The following CLN6 variants were observed in gnomAD, a reference collection of about 807,000 sequenced individuals.
CLN6 encodes the protein ceroid-lipofuscinosis neuronal protein 6.
In CLN6, 22 loss-of-function variants were observed where a neutral mutation model predicts 33.3. The observed-to-expected ratio is 0.66, with a 90% CI of 0.47 to 0.94. The LOEUF (loss-of-function observed/expected upper bound fraction) is 0.94. CLN6 is among the 40% of genes least tolerant of loss of function. The pLI, the probability that CLN6 is intolerant of heterozygous loss-of-function variation, is 0.00. For synonymous variants in CLN6, 201 were observed against 174.6 expected (o/e 1.15, Z -1.19); for missense variants, 387 against 417.1 (o/e 0.93, Z 0.63).
In CLN6 at chr15:68,214,346, C is replaced by T; in HGVS notation, c.241G>A (p.Val81Ile). The T allele has an allele frequency of 1.9e-6, 3 of 1,614,150 alleles. No homozygotes were observed. The highest frequency in any genetic ancestry group is 2.5e-6 in the Non-Finnish European group (3 of 1,179,956). ...TAGGCCATGTGGAAGTAGTCCCCAA[C>T]ACTGGGCTTGTTGAGTGGAAACCAC... ...LEWFPLNKPSVGDYFHMAYNV... is the reference protein window; with the variant it reads ...LEWFPLNKPSIGDYFHMAYNV... The change falls in exon 3 of 7, where the codon GTT (valine) becomes ATT (isoleucine). Residue 81 changes from valine to isoleucine, a missense_variant. By Grantham distance (29) the Val-to-Ile change is conservative. Transcript: ENST00000249806.
intron 1 of CLN6, among the ~76,000 whole-genome samples, chr15:68,237,163 CAAAAAAAAAAAA>C (rs71145147): frequency 1.4e-5 from 1 of 73,946 alleles, no homozygotes; most frequent in Non-Finnish European, 2.4e-5. Flanking sequence ...GACTCCGTCT[CAAAAAAAAAAAA>C]AAAAAAAAAA....
In CLN6 at chr15:68,211,700, A is replaced by T; in HGVS notation, c.461T>A (p.Ile154Asn). The T allele has an allele frequency of 3.1e-6, 5 of 1,613,752 alleles. No individual in the cohort carries two copies. The highest frequency in any genetic ancestry group is 3.4e-6 in the Non-Finnish European group (4 of 1,179,988). ...CAGCGTCTCCGGCTTGAGATTCTTG[A>T]TGATGGGGTTCTCACGGACAGACAG... ...HHLSVRENPI[I>N]KNLKPETLID... is the part of the protein sequence containing the mutation. The change falls in exon 4 of 7, where the codon ATC (isoleucine) becomes AAC (asparagine). Residue 154 changes from isoleucine (I) to asparagine (N), a missense_variant. Coordinates refer to ENST00000249806, the MANE Select transcript of CLN6 (RefSeq NM_017882.3). This position sits in a 1 kb window ranked among gnomAD's most constrained non-coding sequence, Gnocchi z 5.9.
At position 68,208,553 on chromosome 15, in the gene CLN6, T is replaced by A. The variant is rs1249238284; in HGVS notation, c.666-143A>T. On this transcript the variant is annotated intron_variant, in intron 6 of 6. Coordinates refer to ENST00000249806, the MANE Select transcript of CLN6 (RefSeq NM_017882.3). The surrounding 1 kb of genome is among the most constrained non-coding windows in gnomAD (Gnocchi z 5.8). Reference sequence around the variant, plus strand: ...CAGGGCTCAGAGAACTATGCCGCTCTAAGCCACAGCCCATGGGCAGCATAT... The same window carrying A: ...CAGGGCTCAGAGAACTATGCCGCTCAAAGCCACAGCCCATGGGCAGCATAT... 11 of 813,850 alleles carry A rather than the reference T, an allele frequency of 1.4e-5. No homozygotes were observed. The highest frequency in any genetic ancestry group is 2.0e-5 in the Non-Finnish European group (10 of 498,788). The allele number at this position is 813,850 out of a possible 1,614,324, so 50.4% of individuals were successfully genotyped here. A position where few individuals can be genotyped will look rare whatever the true frequency, so the allele number is the denominator to read the frequency against.
Position 68,228,550 on chromosome 15 carries a change from C to A in CLN6, c.83+952G>T, listed in dbSNP as rs1833612210. Among the ~76,000 whole-genome samples, 1 of 152,198 alleles carries A rather than the reference C, an allele frequency of 6.6e-6. No homozygotes were observed. Among genetic ancestry groups the A allele is most frequent in the Non-Finnish European group, 1.5e-5 (1 of 68,022 alleles). On this transcript the variant is annotated intron_variant, in intron 1 of 6. Transcript: ENST00000249806. This position sits in a 1 kb window ranked among gnomAD's most constrained non-coding sequence, Gnocchi z 4.4. ...CCCTTCACAATCAGTCTGCATCCTC[C>A]TGTCACTTTCTTTTACAGCCGGAAA...
chr15:68,211,844 CG>C lies in CLN6; in HGVS notation c.316del (p.Arg106AlafsTer10). 1.9e-6 allele frequency: 3 copies of C among 1,613,586 alleles called. No individual in the cohort carries two copies. The highest frequency in any genetic ancestry group is 2.5e-6 in the Non-Finnish European group (3 of 1,179,956). ...LLLKLIERSP[R>X]TLPRSITYVS... ...GTACGTGATGGAGCGTGGCAGGGTGCGGGGGGACCGCTCGATGAGCTGGGGT... is the reference window on the plus strand; with the variant it reads ...GTACGTGATGGAGCGTGGCAGGGTGCGGGGGACCGCTCGATGAGCTGGGGT... On this transcript the variant is annotated frameshift_variant, in exon 4 of 7. Coordinates refer to ENST00000249806, the MANE Select transcript of CLN6 (RefSeq NM_017882.3). LOFTEE classifies it high-confidence loss of function. The surrounding 1 kb of genome is among the most constrained non-coding windows in gnomAD (Gnocchi z 5.9).
At chr15:68,212,424 T>G (rs1048585137) in intron 3 of CLN6, 1 of 156,624 alleles carries the variant, frequency 6.4e-6, no homozygotes, top group Non-Finnish European at 1.4e-5. Context: ...ATGGTGATAG[T>G]AAATGGTGAT....
chr15:68,212,028 C>T (rs945586608), intron 3 of CLN6, 165 bp from the exon 4 acceptor site: 3 of 670,300 alleles, frequency 4.5e-6, no homozygotes, highest in Non-Finnish European at 7.7e-6. Flanking sequence ...TCCAGATCCT[C>T]CCGTGACCCC....
At chr15:68,223,072 C>G (rs372448017) in intron 1 of CLN6, among the ~76,000 whole-genome samples, 4 of 152,018 alleles carry the variant, frequency 2.6e-5, no homozygotes, top group East Asian at 3.9e-4. Context: ...CACTATTATC[C>G]TATGACCCTG....
chr15:68,241,285 T>C lies in CLN6; in HGVS notation c.179+15405A>G, dbSNP rs1892278509. Among the ~76,000 whole-genome samples, 1 of 151,848 alleles carries C rather than the reference T, an allele frequency of 6.6e-6. No individual in the cohort carries two copies. The highest frequency in any genetic ancestry group is 6.6e-5 in the Admixed American group (1 of 15,104). On this transcript the variant is annotated intron_variant, in intron 1 of 6. Coordinates refer to the CLN6 transcript ENST00000538696. This position sits in a 1 kb window ranked among gnomAD's most constrained non-coding sequence, Gnocchi z 4.2. ...AAACAAATACACAGTGCTGAGATGA[T>C]CAGCACTATGCCAGCAATATTCCAG...
At chr15:68,252,752 T>C (rs1308390128) in intron 1 of CLN6, among the ~76,000 whole-genome samples, 1 of 152,174 alleles carries the variant, frequency 6.6e-6, no homozygotes, top group Non-Finnish European at 1.5e-5. Context: ...CCTGGTCAAA[T>C]ATAATGTATG....
chr15:68,210,497 G>A lies in CLN6; in HGVS notation c.543-738C>T, dbSNP rs545477021. On this transcript the variant is annotated intron_variant, in intron 5 of 6. Coordinates refer to ENST00000249806, the MANE Select transcript of CLN6 (RefSeq NM_017882.3). The surrounding 1 kb of genome is among the most constrained non-coding windows in gnomAD (Gnocchi z 5.6). ...ACATCGCAGGGCCCGAAACACCCTG[G>A]AAATGCCCGTGCAGGGTGCGTGTGC... 7.9e-5 allele frequency among the ~76,000 whole-genome samples: 12 copies of A among 152,312 alleles called. No homozygotes were observed. In the South Asian group the frequency reaches 2.5e-3, roughly 32 times the overall value.
chr15:68,208,094 G>GCGCC lies in CLN6; in HGVS notation c.*45_*46insGGCG. ...CTCCTGTATTCAGATGCCCTCCATG[G>GCGCC]CCCACCCTCCCACCCAGCAGAGCGC... On this transcript the variant is annotated 3_prime_UTR_variant, in exon 7 of 7. Transcript: ENST00000249806. The surrounding 1 kb of genome is among the most constrained non-coding windows in gnomAD (Gnocchi z 5.8). 7.3e-7 allele frequency: 1 copy of GCGCC among 1,375,276 alleles called. No individual in the cohort carries two copies. Among genetic ancestry groups the GCGCC allele is most frequent in the Non-Finnish European group, 1.0e-6 (1 of 992,022 alleles). The allele number at this position is 1,375,276 out of a possible 1,614,324, so 85.2% of individuals were successfully genotyped here.
In CLN6 at chr15:68,229,686, T is replaced by G; in HGVS notation, c.-102A>C. On this transcript the variant is annotated 5_prime_UTR_variant, in exon 1 of 7. Transcript: ENST00000249806. ...CCGCAAATTCCCAGCGCGGGGCGGTTCGGGGCGGGCCGGCGAGAGCGCGCG... is the reference window on the plus strand; with the variant it reads ...CCGCAAATTCCCAGCGCGGGGCGGTGCGGGGCGGGCCGGCGAGAGCGCGCG... 1 of 970,880 alleles carries G rather than the reference T, an allele frequency of 1.0e-6. No individual in the cohort carries two copies. The highest frequency in any genetic ancestry group is 1.4e-6 in the Non-Finnish European group (1 of 731,782). The allele number at this position is 970,880 out of a possible 1,614,324, so 60.1% of individuals were successfully genotyped here.
intron 1 of CLN6, among the ~76,000 whole-genome samples, chr15:68,252,475 A>G (rs537020704): frequency 6.6e-6 from 1 of 152,270 alleles, no homozygotes; most frequent in Non-Finnish European, 1.5e-5. Flanking sequence ...TAACAAATTT[A>G]GTAGCAAGTA....
At chr15:68,253,409 T>A (rs1892399765) in intron 1 of CLN6, among the ~76,000 whole-genome samples, 2 of 152,226 alleles carry the variant, frequency 1.3e-5, no homozygotes. Flanking sequence ...GAGTTTTATT[T>A]CTCAGAATGT....
In CLN6 at chr15:68,208,610, A is replaced by C. The variant is rs2093195111; in HGVS notation, c.666-200T>G. Among the ~76,000 whole-genome samples the C allele has an allele frequency of 6.6e-6, 1 of 152,202 alleles. No homozygotes were observed. The highest frequency in any genetic ancestry group is 1.5e-5 in the Non-Finnish European group (1 of 68,032). On this transcript the variant is annotated intron_variant, in intron 6 of 6. Coordinates refer to ENST00000249806, the MANE Select transcript of CLN6 (RefSeq NM_017882.3). This position sits in a 1 kb window ranked among gnomAD's most constrained non-coding sequence, Gnocchi z 5.8. ...AGCTGGTATAGTTACTGTTTTTTAA[A>C]TGTTGAGTTTGTTGCCAATATTTAA...
intron 1 of CLN6, among the ~76,000 whole-genome samples, chr15:68,255,996 CCTGT>C (rs1892431003): frequency 6.6e-6 from 1 of 151,254 alleles, no homozygotes; most frequent in Non-Finnish European, 1.5e-5. Flanking sequence ...ACTATGTTGC[CCTGT>C]CTGTTGTCCA....
chr15:68,217,230 TTTTG>T (rs1183917201), intron 2 of CLN6, among the ~76,000 whole-genome samples: 1 of 152,138 alleles, frequency 6.6e-6, no homozygotes, highest in Non-Finnish European at 1.5e-5. Context: ...AGGCTTTGCT[TTTTG>T]TTTGTTTTGT....
rs1261144731 is a variant in CLN6, at chr15:68,207,616, C to T, written c.*524G>A. On this transcript the variant is annotated 3_prime_UTR_variant, in exon 7 of 7. Transcript: ENST00000249806. ...TTTGGGACCACAGGCCCATCTAGTG[C>T]AAATGAGGCCCAGAAAGGAGAAATG... 1 of 199,602 alleles carries T rather than the reference C, an allele frequency of 5.0e-6. No individual in the cohort carries two copies. The highest frequency in any genetic ancestry group is 1.0e-5 in the Non-Finnish European group (1 of 96,052). The allele number at this position is 199,602 out of a possible 1,614,324, so 12.4% of individuals were successfully genotyped here.
Sources: gnomAD v4.1 joint callset for allele counts (sites outside exome capture counted in the v4.1 genomes callset) on GRCh38, gnomAD v4.1.1 for gene constraint, Gnocchi (gnomAD v3.1) non-coding constraint, MANE v1.5 for transcripts, NCBI Gene and HGNC (gene_info 2026-07-23, HGNC 2026-07-21) for gene names.